The following RARB variants were observed in gnomAD, a reference collection of about 807,000 sequenced individuals.
The protein encoded by RARB is HBV-activated protein.
A neutral mutation model predicts 51.9 loss-of-function variants in RARB; 17 were observed. The observed-to-expected ratio is 0.33, with a 90% confidence interval of 0.22 to 0.49. RARB has a LOEUF of 0.49. Ranked by LOEUF, RARB falls within the 20% of genes least tolerant of loss-of-function variation. The probability of loss-of-function intolerance (pLI) is 0.99; values close to 1 mark genes in which losing one functional copy is unlikely to be tolerated. For synonymous variants in RARB, 215 were observed against 195.4 expected, an observed-to-expected ratio of 1.10 and a Z score of -0.84; for missense variants, 369 against 550.8, an observed-to-expected ratio of 0.67 and a Z score of 3.30.
intron 2 of RARB, among the ~76,000 whole-genome samples, chr3:24,987,529 T>C (rs1032738468): frequency 1.3e-5 from 2 of 152,262 alleles, no homozygotes; most frequent in African/African-American, 2.4e-5. Flanking sequence ...AAAACTGTTA[T>C]ATTATTCACT....
chr3:24,984,428 A>C (rs925718867), intron 2 of RARB, among the ~76,000 whole-genome samples: 2 of 152,214 alleles, frequency 1.3e-5, no homozygotes, highest in East Asian at 1.9e-4. Context: ...GAGAAAATAA[A>C]GTGTGGGTGG....
At chr3:24,930,470 G>A (rs1020282577) in intron 2 of RARB, among the ~76,000 whole-genome samples, 2 of 152,048 alleles carry the variant, frequency 1.3e-5, no homozygotes, top group Non-Finnish European at 1.5e-5. Flanking sequence ...ACCAATGAAA[G>A]CCATTCAATA....
At chr3:25,593,819 G>T in intron 6 of RARB, 112 bp downstream of exon 6, 1 of 1,032,758 alleles carries the variant, frequency 9.7e-7, no homozygotes, top group South Asian at 1.6e-5. Flanking sequence ...GGGAAAACAT[G>T]TGAATAAAGC....
intron 2 of RARB, among the ~76,000 whole-genome samples, chr3:25,014,957 C>T (rs143877320): frequency 1.3e-5 from 2 of 151,994 alleles, no homozygotes; most frequent in Non-Finnish European, 2.9e-5. Context: ...ATATTAAAAC[C>T]AATTGTATAT....
At chr3:25,276,902 T>C (rs181075646) in intron 5 of RARB, among the ~76,000 whole-genome samples, 13 of 152,322 alleles carry the variant, frequency 8.5e-5, no homozygotes, top group Non-Finnish European at 1.2e-4. Context: ...TCATAAAATT[T>C]AAACTTAAAT....
chr3:25,372,847 C>T (rs760683126), intron 5 of RARB, among the ~76,000 whole-genome samples: 10 of 151,934 alleles, frequency 6.6e-5, no homozygotes, highest in Non-Finnish European at 1.0e-4. Flanking sequence ...AAAAGAAAAA[C>T]GTAAACTTAA....
At chr3:24,978,460 A>G (rs1490146318) in intron 2 of RARB, among the ~76,000 whole-genome samples, 4 of 152,120 alleles carry the variant, frequency 2.6e-5, no homozygotes, top group Admixed American at 1.3e-4. Context: ...CACAGATTCT[A>G]CTTCTTCCTA....
chr3:24,997,146 G>C (rs1007432799), intron 2 of RARB, among the ~76,000 whole-genome samples: 65 of 62,272 alleles, frequency 1.0e-3, no homozygotes, highest in Non-Finnish European at 1.1e-3. Context: ...TCCAGCATTG[G>C]GTGCATATAT....
At chr3:24,862,851 C>T (rs577739314) in intron 2 of RARB, among the ~76,000 whole-genome samples, 1 of 152,154 alleles carries the variant, frequency 6.6e-6, no homozygotes, top group Admixed American at 6.5e-5. Context: ...TAATAATCAA[C>T]TAAATTTATA....
intron 2 of RARB, among the ~76,000 whole-genome samples, chr3:25,483,687 A>T (rs1696337277): frequency 6.6e-6 from 1 of 152,162 alleles, no homozygotes; most frequent in Non-Finnish European, 1.5e-5. Context: ...AGCAAGGGAG[A>T]CTGGAGGATG....
At chr3:25,303,719 C>A (rs530404972) in intron 5 of RARB, among the ~76,000 whole-genome samples, 3 of 152,260 alleles carry the variant, frequency 2.0e-5, no homozygotes, top group South Asian at 4.1e-4. Flanking sequence ...AACTGGGGGA[C>A]AATAAAAACT....
intron 2 of RARB, among the ~76,000 whole-genome samples, chr3:24,860,890 A>T (rs924438611): frequency 2.0e-5 from 3 of 152,210 alleles, no homozygotes; most frequent in African/African-American, 7.2e-5. Flanking sequence ...GACTTAGTAT[A>T]CAAGTAAACT....
At chr3:25,205,934 C>A (rs377355410) in intron 5 of RARB, among the ~76,000 whole-genome samples, 2 of 152,088 alleles carry the variant, frequency 1.3e-5, no homozygotes, top group African/African-American at 4.8e-5. Flanking sequence ...ACAAAAACAA[C>A]TTTAGTATAA....
chr3:24,924,077 CCCATAG>C (rs1213543611), intron 2 of RARB, among the ~76,000 whole-genome samples: 1 of 152,118 alleles, frequency 6.6e-6, no homozygotes, highest in African/African-American at 2.4e-5. Flanking sequence ...TACTCCAAAA[CCCATAG>C]CCTTCTAGTC....
At chr3:25,360,574 G>A (rs1705899508) in intron 5 of RARB, among the ~76,000 whole-genome samples, 1 of 152,164 alleles carries the variant, frequency 6.6e-6, no homozygotes, top group South Asian at 2.1e-4. Context: ...GAGTGTCAAT[G>A]GTCTTTACAT....
chr3:25,079,307 T>C (rs895802739), intron 3 of RARB, among the ~76,000 whole-genome samples: 2 of 152,230 alleles, frequency 1.3e-5, no homozygotes, highest in Admixed American at 1.3e-4. Flanking sequence ...CATAGTTGTA[T>C]TGTCTTTGAA....
rs529903907 is a variant in RARB, at chr3:24,895,939, T to C, written c.-380+37187T>C. ...TTGTTTATTGCAGCATTATTCACAA[T>C]AGCCAAAAAGTGGAAACAAATCATA... is the stretch of plus-strand genomic sequence containing the variant. On this transcript the variant is annotated intron_variant, in intron 2 of 11. Coordinates refer to the RARB transcript ENST00000383772. Among the ~76,000 whole-genome samples the C allele has an allele frequency of 6.6e-5, 10 of 152,298 alleles. 1 individual carries two copies. The South Asian group carries it at 2.1e-3, about 32-fold the overall frequency.
Position 25,565,970 on chromosome 3 carries a change from C to G in RARB, c.449-3788C>G, listed in dbSNP as rs376059283. On this transcript the variant is annotated intron_variant, in intron 3 of 7. Coordinates refer to ENST00000330688, the MANE Select transcript of RARB (RefSeq NM_000965.5). ...AGATCTCCTGACTTCCCCTGCAGTACTTGTATCGCCCTTGCCTCCCACTGC... is the reference window on the plus strand; with the variant it reads ...AGATCTCCTGACTTCCCCTGCAGTAGTTGTATCGCCCTTGCCTCCCACTGC... Among the ~76,000 whole-genome samples, 125 of 152,306 alleles carry G rather than the reference C, an allele frequency of 8.2e-4. 4 individuals carry two copies. The highest frequency in any genetic ancestry group is 2.9e-3 in the African/African-American group (120 of 41,570).
At chr3:25,270,408 T>C (rs528031799) in intron 5 of RARB, among the ~76,000 whole-genome samples, 13 of 152,296 alleles carry the variant, frequency 8.5e-5, no homozygotes, top group African/African-American at 2.9e-4. Flanking sequence ...ATTCCACTTA[T>C]ATGAGGTACC....
Sources: allele counts gnomAD v4.1 joint callset (sites outside exome capture counted in the v4.1 genomes callset), GRCh38; gene constraint gnomAD v4.1.1; transcripts MANE v1.5; gene names NCBI Gene and HGNC (gene_info 2026-07-23, HGNC 2026-07-21).